Variants in MID1 observed in about 807,000 individuals in gnomAD.
MID1 encodes the protein midline 1.
MID1 carries 7 observed loss-of-function variants against 40.4 expected under a neutral mutation model. That is an observed-to-expected ratio of 0.17 (90% CI 0.10 to 0.33). The LOEUF (loss-of-function observed/expected upper bound fraction) is 0.33, where lower values mean the gene tolerates loss of function less well. MID1 is among the 10% of genes least tolerant of loss of function. The pLI, the probability that MID1 is intolerant of heterozygous loss-of-function variation, is 1.00. For missense variants in MID1, 367 were observed against 558.5 expected, an observed-to-expected ratio of 0.66 and a Z score of 3.46; for synonymous variants, 229 against 221.2, an observed-to-expected ratio of 1.04 and a Z score of -0.31.
At chrX:10,507,445 C>A (rs1235214914) in intron 3 of MID1, among the ~76,000 whole-genome samples, 6 of 112,272 alleles carry the variant, frequency 5.3e-5, no homozygotes, top group Non-Finnish European at 1.1e-4. Context: ...CTAATTTTTT[C>A]GAGACCACAA....
At chrX:10,686,481 T>TA (rs1437526858) in intron 1 of MID1, among the ~76,000 whole-genome samples, 18 of 111,935 alleles carry the variant, frequency 1.6e-4, no homozygotes, top group Non-Finnish European at 3.0e-4. Flanking sequence ...CCCACAGATG[T>TA]AAAACTATGA....
intron 1 of MID1, among the ~76,000 whole-genome samples, chrX:10,750,977 A>C (rs1297895613): frequency 1.8e-5 from 2 of 111,785 alleles, no homozygotes; most frequent in African/African-American, 6.5e-5. Flanking sequence ...AATTATAAAA[A>C]TATCTGGCCG....
chrX:10,615,989 A>C (rs1435924152), intron 1 of MID1, among the ~76,000 whole-genome samples: 1 of 112,210 alleles, frequency 8.9e-6, no homozygotes, highest in Non-Finnish European at 1.9e-5. Flanking sequence ...TTTTCATAGT[A>C]GCTTTGGTCA....
chrX:10,670,925 T>G (rs1486544533), intron 1 of MID1, among the ~76,000 whole-genome samples: 1 of 112,181 alleles, frequency 8.9e-6, no homozygotes, highest in East Asian at 2.8e-4. Context: ...CATTTAATTT[T>G]TGGTCATCTA....
intron 1 of MID1, among the ~76,000 whole-genome samples, chrX:10,706,335 G>A (rs1432547403): frequency 9.0e-6 from 1 of 110,935 alleles, no homozygotes; most frequent in East Asian, 2.8e-4. Flanking sequence ...TTCTAGAAAA[G>A]TAAAAATAAT....
intron 7 of MID1, among the ~76,000 whole-genome samples, chrX:10,461,508 T>C (rs1313690578): frequency 9.0e-6 from 1 of 111,570 alleles, no homozygotes; most frequent in Non-Finnish European, 1.9e-5. Flanking sequence ...TCCTTCACCT[T>C]ACCTTTTCCT....
intron 1 of MID1, among the ~76,000 whole-genome samples, chrX:10,573,607 A>T (rs1934797619): frequency 8.9e-6 from 1 of 112,235 alleles, no homozygotes; most frequent in Admixed American, 9.4e-5. Context: ...AACAAACCAC[A>T]TCACTGTATG....
intron 1 of MID1, among the ~76,000 whole-genome samples, chrX:10,788,347 T>C (rs1244055673): frequency 8.9e-6 from 1 of 112,001 alleles, no homozygotes; most frequent in Non-Finnish European, 1.9e-5. Context: ...CCTTGAATCC[T>C]AATCCCATGT....
intron 1 of MID1, among the ~76,000 whole-genome samples, chrX:10,758,748 A>G (rs1427290470): frequency 9.1e-6 from 1 of 110,291 alleles, no homozygotes; most frequent in East Asian, 2.8e-4. Context: ...TCAGCCTCCC[A>G]AAGTGCTGGG....
intron 1 of MID1, among the ~76,000 whole-genome samples, chrX:10,687,729 A>T (rs2043108878): frequency 9.0e-6 from 1 of 111,697 alleles, no homozygotes. Flanking sequence ...AACATTTTTT[A>T]AAAAGACAGG....
chrX:10,827,890 C>T (rs2044226236), intron 1 of MID1, among the ~76,000 whole-genome samples: 1 of 111,262 alleles, frequency 9.0e-6, no homozygotes, highest in Non-Finnish European at 1.9e-5. Flanking sequence ...TCACCTATAT[C>T]TTCCATTTTA....
chrX:10,546,515 CT>C (rs971504905), intron 2 of MID1, among the ~76,000 whole-genome samples: 9 of 110,212 alleles, frequency 8.2e-5, no homozygotes, highest in African/African-American at 1.3e-4. Flanking sequence ...TTTTATAGCA[CT>C]TTTTTTTTAT....
intron 1 of MID1, among the ~76,000 whole-genome samples, chrX:10,578,926 CAT>C (rs745587021): frequency 7.1e-5 from 8 of 112,432 alleles, no homozygotes; most frequent in African/African-American, 2.6e-4. Flanking sequence ...TATATATATT[CAT>C]ATAACTATGT....
At chrX:10,588,319 A>AT (rs965179257) in intron 1 of MID1, among the ~76,000 whole-genome samples, 18 of 108,902 alleles carry the variant, frequency 1.7e-4, no homozygotes, top group Non-Finnish European at 2.9e-4. Flanking sequence ...TTTTTGCATA[A>AT]TTTTTTTTTT....
At chrX:10,793,637 C>A (rs2043948646) in intron 1 of MID1, among the ~76,000 whole-genome samples, 1 of 112,048 alleles carries the variant, frequency 8.9e-6, no homozygotes, top group South Asian at 3.7e-4. Context: ...AAGCTCCTAA[C>A]CCCTGTTTAG....
intron 3 of MID1, among the ~76,000 whole-genome samples, chrX:10,499,416 G>A (rs761954315): frequency 9.0e-6 from 1 of 111,643 alleles, no homozygotes; most frequent in Non-Finnish European, 1.9e-5. Context: ...TTTTCTTTAT[G>A]ATACCCTTTA....
intron 2 of MID1, among the ~76,000 whole-genome samples, chrX:10,546,327 G>A (rs780835014): frequency 2.7e-5 from 3 of 112,558 alleles, no homozygotes; most frequent in African/African-American, 6.4e-5. Context: ...TTGAAAGAAC[G>A]AAAGATGTTC....
intron 4 of MID1, among the ~76,000 whole-genome samples, chrX:10,490,369 G>C (rs901726623): frequency 4.5e-5 from 5 of 111,513 alleles, no homozygotes; most frequent in African/African-American, 1.6e-4. Context: ...AAATGAAATT[G>C]GCTTTTGTAT....
At chrX:10,480,605 T>C (rs1341122365) in intron 5 of MID1, among the ~76,000 whole-genome samples, 1 of 111,883 alleles carries the variant, frequency 8.9e-6, no homozygotes, top group African/African-American at 3.3e-5. Context: ...TTTTTAACTT[T>C]AGGGTGAATA....
Sources: gnomAD v4.1 joint callset for allele counts (sites outside exome capture counted in the v4.1 genomes callset) on GRCh38, gnomAD v4.1.1 for gene constraint, MANE v1.5 for transcripts, NCBI Gene and HGNC (gene_info 2026-07-23, HGNC 2026-07-21) for gene names.